Variants in UBE2V2 observed in about 807,000 individuals in gnomAD.
The protein encoded by UBE2V2 is ubiquitin conjugating enzyme E2 V2.
A neutral mutation model predicts 17.2 loss-of-function variants in UBE2V2; 9 were observed. The ratio of observed to expected loss-of-function variants is 0.52; its 90% CI spans 0.32 to 0.91. The LOEUF (loss-of-function observed/expected upper bound fraction) is 0.91, where lower values mean the gene tolerates loss of function less well. Among genes scored for constraint, UBE2V2 ranks in the 40% least tolerant of loss-of-function variants. The probability of loss-of-function intolerance (pLI) is 0.04; values close to 1 mark genes in which losing one functional copy is unlikely to be tolerated. For missense variants in UBE2V2, 133 were observed against 182.6 expected, an observed-to-expected ratio of 0.73 and a Z score of 1.56; for synonymous variants, 61 against 57.5, an observed-to-expected ratio of 1.06 and a Z score of -0.28.
chr8:48,043,828 A>G (rs1267043853), intron 2 of UBE2V2, among the ~76,000 whole-genome samples: 1 of 151,784 alleles, frequency 6.6e-6, no homozygotes, highest in Non-Finnish European at 1.5e-5. Context: ...ATTTTTTTCT[A>G]GTATGGTTGG....
At position 48,061,027 on chromosome 8, in the gene UBE2V2, T is replaced by C; in HGVS notation, c.*199T>C. 2.4e-6 allele frequency: 1 copy of C among 414,694 alleles called. No individual in the cohort carries two copies. The highest frequency in any genetic ancestry group is 3.9e-6 in the Non-Finnish European group (1 of 255,770). 25.7% of individuals were successfully genotyped at this position (414,694 alleles called of 1,614,324 possible). A position where few individuals can be genotyped will look rare whatever the true frequency, so the allele number is the denominator to read the frequency against. On this transcript the variant is annotated 3_prime_UTR_variant, in exon 4 of 4. Coordinates refer to ENST00000523111, the MANE Select transcript of UBE2V2 (RefSeq NM_003350.3). Reference sequence around the variant, plus strand: ...AACAGGAGGAAAAATGCAGCACAATTTTTTTTCTCTTGAAAGGCACTGTCA... The same window carrying C: ...AACAGGAGGAAAAATGCAGCACAATCTTTTTTCTCTTGAAAGGCACTGTCA...
intron 3 of UBE2V2, among the ~76,000 whole-genome samples, chr8:48,052,500 A>G (rs1438063861): frequency 6.6e-6 from 1 of 151,954 alleles, no homozygotes; most frequent in Non-Finnish European, 1.5e-5. Flanking sequence ...CCCCCAACCC[A>G]TTTATCATTA....
At chr8:48,011,620 T>C (rs879331072) in intron 1 of UBE2V2, among the ~76,000 whole-genome samples, 1 of 152,222 alleles carries the variant, frequency 6.6e-6, no homozygotes, top group Non-Finnish European at 1.5e-5. Flanking sequence ...TTCCTTCTAC[T>C]GGAAGAGAAT....
chr8:48,052,520 A>T (rs1466042337), intron 3 of UBE2V2, among the ~76,000 whole-genome samples: 1 of 152,058 alleles, frequency 6.6e-6, no homozygotes, highest in East Asian at 1.9e-4. Flanking sequence ...AAGCCTTGTC[A>T]GTTTTATGTT....
intron 1 of UBE2V2, among the ~76,000 whole-genome samples, chr8:48,040,844 GTTTTTTT>G (rs71225699): frequency 2.7e-5 from 2 of 74,106 alleles, no homozygotes; most frequent in African/African-American, 1.1e-4. Flanking sequence ...GCCAGGCTGG[GTTTTTTT>G]TTTTTTTTTT....
rs150762170 is a variant in UBE2V2 at position 48,044,813 on chromosome 8, G to C, written c.165+1632G>C. 2.9e-3 allele frequency among the ~76,000 whole-genome samples: 442 copies of C among 152,288 alleles called. 3 individuals carry two copies. The highest frequency in any genetic ancestry group is 0.01 in the African/African-American group (433 of 41,554). On this transcript the variant is annotated intron_variant, in intron 2 of 3. Coordinates refer to ENST00000523111, the MANE Select transcript of UBE2V2 (RefSeq NM_003350.3). ...AAGATTTAACAGTCAGAACTTGGTA[G>C]AATATAAATTTGAAATTATTTAGAT...
chr8:48,035,630 T>TG (rs752374168), intron 1 of UBE2V2, among the ~76,000 whole-genome samples: 2,265 of 138,536 alleles, frequency 0.016, 21 homozygotes, highest in South Asian at 0.047. Flanking sequence ...TTTTTTTTTT[T>TG]TTGTGTGTGT....
rs1414905354 is a variant in UBE2V2 at position 48,054,740 on chromosome 8, T to C, written c.291+4762T>C. Among the ~76,000 whole-genome samples the C allele has an allele frequency of 3.3e-5, 5 of 152,328 alleles. No homozygotes were observed. In the East Asian group the frequency reaches 7.7e-4, roughly 23 times the overall value. ...TATTTAATACGACGAGGCAAAGTTATTCCCTGTGGGTGGTTAGCACTCTGA... is the reference window on the plus strand; with the variant it reads ...TATTTAATACGACGAGGCAAAGTTACTCCCTGTGGGTGGTTAGCACTCTGA... On this transcript the variant is annotated intron_variant, in intron 3 of 3. Transcript: ENST00000523111.
chr8:48,022,872 TAA>T (rs1304065263), intron 1 of UBE2V2, among the ~76,000 whole-genome samples: 3 of 151,614 alleles, frequency 2.0e-5, no homozygotes, highest in Non-Finnish European at 4.4e-5. Flanking sequence ...CTCTTGGGCT[TAA>T]GTGATCTGCC....
At chr8:47,999,563 TGTTA>T in the UBE2V2 span, among the ~76,000 whole-genome samples, 1 of 152,034 alleles carries the variant, frequency 6.6e-6, no homozygotes, top group Admixed American at 6.6e-5. Flanking sequence ...GGTTTCACCA[TGTTA>T]GCCAGGATGG....
In UBE2V2 at chr8:48,061,107, C is replaced by T. The variant is rs1349468914; in HGVS notation, c.*279C>T. 9.4e-6 allele frequency: 2 copies of T among 212,268 alleles called. No homozygotes were observed. Among genetic ancestry groups the T allele is most frequent in the Non-Finnish European group, 1.9e-5 (2 of 108,014 alleles). The allele number at this position is 212,268 out of a possible 1,614,324, so 13.1% of individuals were successfully genotyped here. On this transcript the variant is annotated 3_prime_UTR_variant, in exon 4 of 4. Transcript: ENST00000523111. ...AGAATTCAGGTTTACAAGATGAAAG[C>T]GTGTGGAGAAGTGTCAGATGGCAGT...
At chr8:48,006,615 GGGATGCAA>G (rs1363357969), upstream of UBE2V2, among the ~76,000 whole-genome samples, 4 of 152,142 alleles carry the variant, frequency 2.6e-5, no homozygotes, top group African/African-American at 9.6e-5. Flanking sequence ...CTTCATCCCT[GGGATGCAA>G]GGCTGCTTCA....
chr8:48,036,594 G>A (rs1405445828), intron 1 of UBE2V2, among the ~76,000 whole-genome samples: 2 of 151,308 alleles, frequency 1.3e-5, no homozygotes, highest in Admixed American at 6.6e-5. Context: ...CCACCACGCC[G>A]GGCTAATTTT....
intron 1 of UBE2V2, among the ~76,000 whole-genome samples, chr8:48,039,191 T>G (rs1027672325): frequency 6.6e-6 from 1 of 152,172 alleles, no homozygotes; most frequent in African/African-American, 2.4e-5. Context: ...TGAGCCACCG[T>G]GCCTCGCCCG....
intron 1 of UBE2V2, among the ~76,000 whole-genome samples, chr8:48,038,526 T>G (rs971184688): frequency 6.6e-6 from 1 of 151,714 alleles, no homozygotes. Context: ...TCTCCCAGGC[T>G]GGAGTGCAGT....
chr8:48,012,674 C>T (rs577343574), intron 1 of UBE2V2, among the ~76,000 whole-genome samples: 3 of 151,606 alleles, frequency 2.0e-5, no homozygotes, highest in African/African-American at 4.8e-5. Context: ...GCCGAGAGCA[C>T]GCCATTGCAT....
At chr8:48,000,696 C>A in the UBE2V2 span, among the ~76,000 whole-genome samples, 1 of 151,862 alleles carries the variant, frequency 6.6e-6, no homozygotes, top group East Asian at 1.9e-4. Context: ...GAGGCGGGCA[C>A]CTGTAGTCCC....
At chr8:48,026,552 ACT>A (rs1356076990) in intron 1 of UBE2V2, among the ~76,000 whole-genome samples, 1 of 152,076 alleles carries the variant, frequency 6.6e-6, no homozygotes, top group East Asian at 1.9e-4. Flanking sequence ...TCAGAAAGAA[ACT>A]CTGTACCCTT....
chr8:48,020,549 A>G (rs554918190), intron 1 of UBE2V2, among the ~76,000 whole-genome samples: 1 of 151,852 alleles, frequency 6.6e-6, no homozygotes, highest in South Asian at 2.1e-4. Flanking sequence ...ATTGTTTCCT[A>G]TTTGTTTTGT....
Sources: gnomAD v4.1 joint callset for allele counts (sites outside exome capture counted in the v4.1 genomes callset) on GRCh38, gnomAD v4.1.1 for gene constraint, MANE v1.5 for transcripts, NCBI Gene and HGNC (gene_info 2026-07-23, HGNC 2026-07-21) for gene names.